Variants in USP49 observed in about 807,000 individuals in gnomAD.
USP49 encodes ubiquitin specific peptidase 49, also known as ubiquitin carboxyl-terminal hydrolase 49.
Under a neutral mutation model 58.6 loss-of-function variants are expected in USP49, and 24 were observed. That is an observed-to-expected ratio of 0.41 (90% confidence interval 0.30 to 0.58). The LOEUF (loss-of-function observed/expected upper bound fraction) is 0.58. Ranked by LOEUF, USP49 falls within the 20% of genes least tolerant of loss-of-function variation. The pLI is 0.30. For synonymous variants in USP49, 408 were observed against 365.1 expected (o/e 1.12, Z -1.34); for missense variants, 703 against 866.1 (o/e 0.81, Z 2.36).
At chr6:41,846,884 G>C (rs1773933867) in intron 3 of USP49, among the ~76,000 whole-genome samples, 1 of 152,166 alleles carries the variant, frequency 6.6e-6, no homozygotes, top group South Asian at 2.1e-4. Flanking sequence ...ATATGACTCA[G>C]AATACTGACT....
chr6:41,817,481 A>C (rs1773377768), intron 3 of USP49, among the ~76,000 whole-genome samples: 1 of 98,972 alleles, frequency 1.0e-5, no homozygotes, highest in African/African-American at 4.1e-5. Flanking sequence ...TTTTTTTGAG[A>C]TGGAGTCTTG....
intron 2 of USP49, among the ~76,000 whole-genome samples, chr6:41,875,607 T>C (rs1267338133): frequency 6.6e-6 from 1 of 152,222 alleles, no homozygotes; most frequent in Non-Finnish European, 1.5e-5. Flanking sequence ...TCTAAGGCAC[T>C]AGCACACTAT....
intron 1 of USP49, among the ~76,000 whole-genome samples, chr6:41,894,779 T>C (rs1171588255): frequency 6.6e-6 from 1 of 151,962 alleles, no homozygotes; most frequent in Non-Finnish European, 1.5e-5. Context: ...CTGCCCGGCT[T>C]CCTTAACGCC....
In USP49 at chr6:41,806,446, G is replaced by T. The variant is rs1258600417; in HGVS notation, c.538C>A (p.Arg180Ser). The change falls in exon 4 of 8, where the codon CGC becomes AGC. Residue 180 changes from arginine to serine, a missense_variant. By Grantham distance (110) the Arg-to-Ser change is moderately radical (BLOSUM62 -1). Coordinates refer to ENST00000682992, the MANE Select transcript of USP49 (RefSeq NM_001286554.2). This position sits in a 1 kb window ranked among gnomAD's most constrained non-coding sequence, Gnocchi z 5.9. ...EQRRQEEALE[R>S]KKEEARRRRR... is the part of the protein sequence containing the mutation. The stretch of plus-strand genomic sequence containing the variant: ...CGCCTCCGCGCCTCCTCCTTCTTGC[G>T]CTCCAGGGCCTCCTCCTGCCGCCGC... 1 of 1,587,666 alleles carries T rather than the reference G, an allele frequency of 6.3e-7. No individual in the cohort carries two copies. Among genetic ancestry groups the T allele is most frequent in the Non-Finnish European group, 8.5e-7 (1 of 1,175,312 alleles).
At chr6:41,821,435 C>T (rs1398007727) in intron 3 of USP49, among the ~76,000 whole-genome samples, 2 of 152,156 alleles carry the variant, frequency 1.3e-5, no homozygotes, top group Non-Finnish European at 2.9e-5. Flanking sequence ...CCTTGCTTAG[C>T]CAAATGTTGT....
intron 3 of USP49, among the ~76,000 whole-genome samples, chr6:41,814,137 T>C (rs1773306889): frequency 2.0e-5 from 3 of 152,354 alleles, no homozygotes; most frequent in African/African-American, 7.2e-5. Context: ...ACATGATGTG[T>C]CTGAATACTT....
At chr6:41,831,129 C>T (rs181560395) in intron 3 of USP49, among the ~76,000 whole-genome samples, 6 of 152,232 alleles carry the variant, frequency 3.9e-5, no homozygotes, top group African/African-American at 1.4e-4. Context: ...CAGTGGCTCA[C>T]GCCTGTAATA....
intron 3 of USP49, among the ~76,000 whole-genome samples, chr6:41,819,756 T>C (rs538744195): frequency 2.0e-5 from 3 of 152,322 alleles, no homozygotes; most frequent in South Asian, 2.1e-4. Flanking sequence ...CTAGGGCAAC[T>C]AGACCTCCCT....
chr6:41,853,276 G>C (rs951341610), intron 3 of USP49, among the ~76,000 whole-genome samples: 2 of 152,104 alleles, frequency 1.3e-5, no homozygotes, highest in African/African-American at 4.8e-5. Flanking sequence ...TATGCCCATC[G>C]GAAAAAGACA....
intron 3 of USP49, among the ~76,000 whole-genome samples, chr6:41,842,456 G>C (rs141317880): frequency 3.2e-3 from 480 of 152,226 alleles, no homozygotes; most frequent in African/African-American, 0.01. Flanking sequence ...CCTGTGGTCT[G>C]TATATGATTT....
chr6:41,818,325 C>T (rs897512857), intron 3 of USP49, among the ~76,000 whole-genome samples: 1 of 152,166 alleles, frequency 6.6e-6, no homozygotes, highest in African/African-American at 2.4e-5. Context: ...ATTCTGAATA[C>T]ACTGGGAGAG....
At chr6:41,824,168 A>G (rs1275815421) in intron 3 of USP49, among the ~76,000 whole-genome samples, 1 of 152,192 alleles carries the variant, frequency 6.6e-6, no homozygotes, top group African/African-American at 2.4e-5. Flanking sequence ...GGTTTTCAGC[A>G]TCTTACAGTA....
chr6:41,800,480 C>T (rs1240562706), intron 5 of USP49, among the ~76,000 whole-genome samples: 1 of 152,128 alleles, frequency 6.6e-6, no homozygotes, highest in Non-Finnish European at 1.5e-5. Context: ...AGCAACTTTG[C>T]GTATAATGGA....
Position 41,806,469 on chromosome 6 carries a change from C to T in USP49, c.515G>A (p.Arg172Gln), listed in dbSNP as rs1331775390. ...SSRGQAKLEQ[R>Q]RQEEALERKK... ...GCGCTCCAGGGCCTCCTCCTGCCGC[C>T]GCTGCTCCAGCTTCGCCTGGCCCCG... The change falls in exon 4 of 8, where the codon CGG (arginine) becomes CAG (glutamine). Residue 172 changes from arginine (R) to glutamine (Q), a missense_variant. This residue lies in a region of USP49 where 376 missense variants were observed against 373.5 expected (regional missense o/e 1.01). Coordinates refer to ENST00000682992, the MANE Select transcript of USP49 (RefSeq NM_001286554.2). The surrounding 1 kb of genome is among the most constrained non-coding windows in gnomAD (Gnocchi z 5.9). 3.8e-6 allele frequency: 6 copies of T among 1,596,128 alleles called. No individual in the cohort carries two copies. Among genetic ancestry groups the T allele is most frequent in the Middle Eastern group, 1.8e-4 (1 of 5,614 alleles).
chr6:41,798,554 G>A, intron 7 of USP49, 170 bp downstream of exon 7: 1 of 1,526,764 alleles, frequency 6.5e-7, no homozygotes, highest in Non-Finnish European at 8.8e-7. Context: ...AGGATTACAG[G>A]TGTGAGCCAC....
Position 41,806,741 on chromosome 6 carries a change from G to A in USP49, c.243C>T (p.Asp81=). 1.2e-6 allele frequency: 2 copies of A among 1,614,266 alleles called. No homozygotes were observed. The highest frequency in any genetic ancestry group is 1.7e-6 in the Non-Finnish European group (2 of 1,180,040). ...DLYVFCYLCK[D]YVLNDNPEGD... Reference sequence around the variant, plus strand: ...CCTCTGGGTTATCATTGAGCACGTAGTCCTTGCACAGGTAACAGAACACGT... The same window carrying A: ...CCTCTGGGTTATCATTGAGCACGTAATCCTTGCACAGGTAACAGAACACGT... The change falls in exon 4 of 8, where the codon GAC becomes GAT. Residue 81 remains aspartate (D), a synonymous_variant. Transcript: ENST00000682992. This position sits in a 1 kb window ranked among gnomAD's most constrained non-coding sequence, Gnocchi z 5.9.
At position 41,798,869 on chromosome 6, in the gene USP49, T is replaced by TA; in HGVS notation, c.1730dup (p.Leu577PhefsTer16). The TA allele has an allele frequency of 6.2e-7, 1 of 1,614,012 alleles. No homozygotes were observed. The highest frequency in any genetic ancestry group is 8.5e-7 in the Non-Finnish European group (1 of 1,180,010). On this transcript the variant is annotated frameshift_variant, in exon 7 of 8. Coordinates refer to ENST00000682992, the MANE Select transcript of USP49 (RefSeq NM_001286554.2). LOFTEE classifies it high-confidence loss of function. ...CCCTGCAGCAGTAAGGTTCCATGGT[T>TA]AATACCTGGTCAAAGACGACATGGA...
intron 3 of USP49, among the ~76,000 whole-genome samples, chr6:41,819,791 A>G (rs1773422336): frequency 6.6e-6 from 1 of 152,228 alleles, no homozygotes; most frequent in African/African-American, 2.4e-5. Flanking sequence ...AAAGGTTCAT[A>G]GCAGCATTAC....
chr6:41,806,297 G>A lies in USP49; in HGVS notation c.687C>T (p.Leu229=). The A allele has an allele frequency of 6.3e-7, 1 of 1,592,792 alleles. No individual in the cohort carries two copies. The highest frequency in any genetic ancestry group is 8.5e-7 in the Non-Finnish European group (1 of 1,174,626). Residue 229 remains leucine, a synonymous_variant, in exon 4 of 8, where the codon CTC becomes CTT. Coordinates refer to ENST00000682992, the MANE Select transcript of USP49 (RefSeq NM_001286554.2). This position sits in a 1 kb window ranked among gnomAD's most constrained non-coding sequence, Gnocchi z 5.9. ...AGPAASRPAA[L]PTSRRVPAAT... ...CGGCGGGCACTCTGCGTGAGGTAGG[G>A]AGGGCGGCGGGGCGCGAGGCAGCCG...
Sources: gnomAD v4.1 joint callset for allele counts (sites outside exome capture counted in the v4.1 genomes callset) on GRCh38, gnomAD v4.1.1 for gene constraint, gnomAD v4.1.1 regional missense constraint, Gnocchi (gnomAD v3.1) non-coding constraint, MANE v1.5 for transcripts, NCBI Gene and HGNC (gene_info 2026-07-23, HGNC 2026-07-21) for gene names.